The following CACNA1B variants were observed in gnomAD, a reference collection of about 807,000 sequenced individuals.
CACNA1B encodes voltage-dependent N-type calcium channel subunit alpha-1B.
A neutral mutation model predicts 247.2 loss-of-function variants in CACNA1B; 70 were observed. The observed-to-expected ratio is 0.28, with a 90% CI of 0.23 to 0.35. CACNA1B has a LOEUF of 0.35. CACNA1B is among the 10% of genes least tolerant of loss of function. The pLI is 1.00. For synonymous variants in CACNA1B, 1,231 were observed against 1,294.4 expected, an observed-to-expected ratio of 0.95 and a Z score of 1.05; for missense variants, 2,367 against 3,197.4, an observed-to-expected ratio of 0.74 and a Z score of 6.26.
At chr9:138,055,113 GT>G (rs1959446172) in intron 26 of CACNA1B, among the ~76,000 whole-genome samples, 2 of 151,120 alleles carry the variant, frequency 1.3e-5, no homozygotes, top group South Asian at 4.2e-4. Flanking sequence ...AAAAAACAAA[GT>G]TCTTTTTTCT....
intron 39 of CACNA1B, among the ~76,000 whole-genome samples, chr9:138,112,027 A>C (rs1487218879): frequency 6.6e-6 from 1 of 151,962 alleles, no homozygotes; most frequent in African/African-American, 2.4e-5. Context: ...TTTTTTGGTA[A>C]ATATTGTTGA....
chr9:137,953,411 C>T (rs1957901987), intron 7 of CACNA1B, among the ~76,000 whole-genome samples: 1 of 152,188 alleles, frequency 6.6e-6, no homozygotes, highest in Non-Finnish European at 1.5e-5. Context: ...CCACGCTGAG[C>T]AGGACAGGAG....
In CACNA1B at chr9:137,964,864, C is replaced by G. The variant is rs553504430; in HGVS notation, c.1334-6519C>G. ...ACCTTTGATCTGTGAGGTTGCTGAC[C>G]TTTGGATGGGGTTTTTGTGTTTTGT... On this transcript the variant is annotated intron_variant, in intron 10 of 46. Transcript: ENST00000371372. Among the ~76,000 whole-genome samples the G allele has an allele frequency of 2.0e-5, 3 of 152,240 alleles. No individual in the cohort carries two copies. The East Asian group carries it at 5.8e-4, about 29-fold the overall frequency.
chr9:137,948,706 TGTGTGTGTGGTGTATGTGGTGTGTGTA>T (rs1200365174), intron 6 of CACNA1B, among the ~76,000 whole-genome samples: 17 of 150,584 alleles, frequency 1.1e-4, no homozygotes, highest in East Asian at 5.8e-4. Context: ...GTGTGTCTGG[TGTGTGTGTGGTGTATGTGGTGTGTGTA>T]GTGTGTGTGG....
chr9:137,922,225 C>T (rs1287339064), intron 6 of CACNA1B, among the ~76,000 whole-genome samples: 4 of 140,344 alleles, frequency 2.9e-5, no homozygotes, highest in East Asian at 2.1e-4. Flanking sequence ...GCACCACGAC[C>T]GCAAAGCATC....
At chr9:137,984,457 G>A (rs147682507) in intron 13 of CACNA1B, among the ~76,000 whole-genome samples, 90 of 152,358 alleles carry the variant, frequency 5.9e-4, no homozygotes, top group African/African-American at 2.1e-3. Flanking sequence ...CCTCCGTGCT[G>A]CCGGCACACC....
At chr9:138,036,450 T>C (rs889153675) in intron 20 of CACNA1B, among the ~76,000 whole-genome samples, 1 of 152,194 alleles carries the variant, frequency 6.6e-6, no homozygotes, top group South Asian at 2.1e-4. Flanking sequence ...TCCCCTAATT[T>C]CTTTTAGTGA....
chr9:137,982,923 A>T (rs1360301087), intron 12 of CACNA1B, among the ~76,000 whole-genome samples: 1 of 152,196 alleles, frequency 6.6e-6, no homozygotes, highest in Non-Finnish European at 1.5e-5. Flanking sequence ...AACGTAGAGA[A>T]ATGTGCAGCA....
chr9:138,089,883 A>G (rs1960821423), intron 36 of CACNA1B, among the ~76,000 whole-genome samples: 1 of 152,222 alleles, frequency 6.6e-6, no homozygotes, highest in Non-Finnish European at 1.5e-5. Flanking sequence ...TTACAAAAGA[A>G]ATAACTAAGG....
intron 3 of CACNA1B, among the ~76,000 whole-genome samples, chr9:137,895,537 T>C (rs1957162921): frequency 6.6e-6 from 1 of 152,238 alleles, no homozygotes; most frequent in Non-Finnish European, 1.5e-5. Context: ...ATTTTGCAGT[T>C]TTAGGGATAC....
At chr9:138,009,961 C>G (rs1047470447) in intron 16 of CACNA1B, 49 bp from the exon 17 acceptor site, 4 of 1,459,808 alleles carry the variant, frequency 2.7e-6, no homozygotes, top group African/African-American at 2.8e-5. Flanking sequence ...TGCAGTGTGA[C>G]TGGGGCCATG....
At position 137,895,136 on chromosome 9, in the gene CACNA1B, T is replaced by C. The variant is rs544154063; in HGVS notation, c.530+12253T>C. 7.2e-5 allele frequency among the ~76,000 whole-genome samples: 11 copies of C among 152,358 alleles called. No homozygotes were observed. The East Asian group carries it at 2.1e-3, about 29-fold the overall frequency. On this transcript the variant is annotated intron_variant, in intron 3 of 46. Transcript: ENST00000371372. ...CTTCCATTGAATTGCTTTTGTGCTT[T>C]ATCAAAAACCAACTGGGCGTGCTTG...
intron 1 of CACNA1B, 120 bp downstream of exon 1, chr9:137,878,337 G>A: frequency 2.2e-6 from 2 of 919,982 alleles, no homozygotes; most frequent in Admixed American, 4.5e-5. Flanking sequence ...AGACGGGCGA[G>A]GGGGGTACGG....
At chr9:138,032,581 T>A in intron 20 of CACNA1B, 1 of 430,728 alleles carries the variant, frequency 2.3e-6, no homozygotes, top group South Asian at 1.7e-5. Flanking sequence ...ACAAATTCTC[T>A]TAGTTTTCCT....
In CACNA1B at chr9:138,078,182, A is replaced by C. The variant is rs761604108; in HGVS notation, c.5018A>C (p.Gln1673Pro). The C allele has an allele frequency of 1.9e-6, 3 of 1,613,940 alleles. No homozygotes were observed. The highest frequency in any genetic ancestry group is 2.5e-6 in the Non-Finnish European group (3 of 1,179,848). ...CTGAGCAACCAGGCCTGTGATGAGC[A>C]GGCCAATGCCACCGAGTGTGGAAGT... The part of the protein sequence containing the change: ...SCLSNQACDE[Q>P]ANATECGSDF... Residue 1673 changes from glutamine (Q) to proline (P), a missense_variant, in exon 36 of 47, where the codon CAG (glutamine) becomes CCG (proline). Physicochemically the swap from Gln to Pro is moderately conservative, Grantham distance 76 (BLOSUM62 -1). Coordinates refer to ENST00000371372, the MANE Select transcript of CACNA1B (RefSeq NM_000718.4).
rs2133485769 is a variant in CACNA1B, at chr9:138,050,254, T to TGGGAGCGGGGCG, written c.3710+946_3710+957dup. On this transcript the variant is annotated intron_variant, in intron 24 of 46. Transcript: ENST00000371372. The surrounding 1 kb of genome is among the most constrained non-coding windows in gnomAD (Gnocchi z 5.2). ...CGGCCAGGGGTTCCTGCCATGCCTC[T>TGGGAGCGGGGCG]GGGAGCGGGGCGGGGAGCTGGGCTG... is the stretch of plus-strand genomic sequence containing the variant. 6.6e-6 allele frequency among the ~76,000 whole-genome samples: 1 copy of TGGGAGCGGGGCG among 152,280 alleles called. No individual in the cohort carries two copies. Among genetic ancestry groups the TGGGAGCGGGGCG allele is most frequent in the South Asian group, 2.1e-4 (1 of 4,824 alleles).
chr9:137,936,359 GTTCT>G (rs1957668737), intron 6 of CACNA1B, among the ~76,000 whole-genome samples: 1 of 152,170 alleles, frequency 6.6e-6, no homozygotes, highest in Non-Finnish European at 1.5e-5. Flanking sequence ...ATTTGTTTAA[GTTCT>G]TTGTGCATTC....
chr9:138,087,776 A>G (rs1365793577), intron 36 of CACNA1B, among the ~76,000 whole-genome samples: 1 of 151,688 alleles, frequency 6.6e-6, no homozygotes, highest in Non-Finnish European at 1.5e-5. Flanking sequence ...TGAAACAATA[A>G]AAATAGAAAC....
At chr9:137,985,714 G>A (rs1288121522) in intron 13 of CACNA1B, among the ~76,000 whole-genome samples, 2 of 152,220 alleles carry the variant, frequency 1.3e-5, no homozygotes, top group East Asian at 1.9e-4. Flanking sequence ...GGGACAGCAC[G>A]TGCAGAGGCA....
Sources: allele counts gnomAD v4.1 joint callset (sites outside exome capture counted in the v4.1 genomes callset), GRCh38; gene constraint gnomAD v4.1.1; non-coding constraint Gnocchi (gnomAD v3.1); transcripts MANE v1.5; gene names NCBI Gene and HGNC (gene_info 2026-07-23, HGNC 2026-07-21).